The following OPCML variants were observed in gnomAD, a reference collection of about 807,000 sequenced individuals.
The protein encoded by OPCML is opioid-binding protein/cell adhesion molecule.
OPCML carries 13 observed loss-of-function variants against 37.8 expected under a neutral mutation model. The ratio of observed to expected loss-of-function variants is 0.34; its 90% confidence interval spans 0.22 to 0.55. The LOEUF is 0.55. OPCML is among the 20% of genes least tolerant of loss of function. The pLI is 0.91. For missense variants in OPCML, 341 were observed against 435.6 expected (o/e 0.78, Z 1.93); for synonymous variants, 176 against 168.8 (o/e 1.04, Z -0.33).
At chr11:133,274,953 T>C (rs1375703360) in intron 1 of OPCML, among the ~76,000 whole-genome samples, 3 of 152,214 alleles carry the variant, frequency 2.0e-5, no homozygotes, top group Admixed American at 6.5e-5. Context: ...TTGGGACTTT[T>C]AGATTTTGTC....
chr11:132,677,625 T>C (rs1354126743), intron 2 of OPCML, among the ~76,000 whole-genome samples: 1 of 152,124 alleles, frequency 6.6e-6, no homozygotes, highest in Non-Finnish European at 1.5e-5. Context: ...TCTACTGATC[T>C]TTTACAAAGG....
intron 2 of OPCML, among the ~76,000 whole-genome samples, chr11:132,775,376 G>C (rs1946776213): frequency 6.6e-6 from 1 of 152,170 alleles, no homozygotes; most frequent in Admixed American, 6.5e-5. Context: ...TGTTGTGATT[G>C]CAACAGCTTT....
In OPCML at chr11:132,449,060, C is replaced by T. The variant is rs184214150; in HGVS notation, c.506-11701G>A. Among the ~76,000 whole-genome samples the T allele has an allele frequency of 5.3e-5, 8 of 152,268 alleles. No individual in the cohort carries two copies. In the East Asian group the frequency reaches 1.4e-3, roughly 26 times the overall value. ...AACCCAGGAGCTCAGGGTCACTGTC[C>T]CACAAAGGAGCATAAGGTCCCTGCA... On this transcript the variant is annotated intron_variant, in intron 4 of 7. Transcript: ENST00000524381.
intron 1 of OPCML, among the ~76,000 whole-genome samples, chr11:133,228,753 A>C (rs954683595): frequency 1.3e-5 from 2 of 152,264 alleles, no homozygotes; most frequent in Non-Finnish European, 2.9e-5. Context: ...GAGGCTTCGC[A>C]TGAAAAATGA....
At chr11:132,507,001 C>A (rs984731149) in intron 4 of OPCML, among the ~76,000 whole-genome samples, 6 of 151,430 alleles carry the variant, frequency 4.0e-5, no homozygotes, top group Admixed American at 6.6e-5. Context: ...TAATACAAAT[C>A]TTTTTTAAAA....
In OPCML at chr11:132,657,259, G is replaced by A. The variant is rs142071206; in HGVS notation, c.207C>T (p.Tyr69=). ...VAWLNRSTIL[Y]AGNDKWSIDP... is the part of the protein sequence containing the mutation. ...CTATGGACCACTTGTCATTCCCAGC[G>A]TAGAGGATGGTGCTGCGGTTTAGCC... Residue 69 remains tyrosine, a synonymous_variant, in exon 3 of 8, where the codon TAC becomes TAT. Transcript: ENST00000524381. 87 of 1,614,238 alleles carry A rather than the reference G, an allele frequency of 5.4e-5. 1 individual carries two copies. In the Middle Eastern group the frequency reaches 6.6e-4, roughly 12 times the overall value.
intron 3 of OPCML, among the ~76,000 whole-genome samples, chr11:132,599,314 A>AAGG (rs1203700458): frequency 6.7e-6 from 1 of 149,120 alleles, no homozygotes; most frequent in Non-Finnish European, 1.5e-5. Flanking sequence ...AAAGAAGAAG[A>AAGG]AGGAGGAGGA....
chr11:133,454,833 T>C (rs1375829388), intron 1 of OPCML, among the ~76,000 whole-genome samples: 7 of 152,186 alleles, frequency 4.6e-5, no homozygotes, highest in Non-Finnish European at 2.9e-5. Flanking sequence ...ATGTATCACT[T>C]ATCAACATTT....
chr11:132,440,835 G>T (rs936146778), intron 4 of OPCML, among the ~76,000 whole-genome samples: 1 of 152,302 alleles, frequency 6.6e-6, no homozygotes, highest in East Asian at 1.9e-4. Flanking sequence ...AAAGCAGAAT[G>T]AATCTAGGTT....
chr11:132,514,976 G>A (rs1421897711), intron 4 of OPCML, among the ~76,000 whole-genome samples: 4 of 152,150 alleles, frequency 2.6e-5, no homozygotes, highest in Non-Finnish European at 5.9e-5. Flanking sequence ...GTTGTGCAGG[G>A]ACAAATAAGC....
At chr11:133,276,252 A>G (rs1941990416) in intron 1 of OPCML, among the ~76,000 whole-genome samples, 1 of 152,214 alleles carries the variant, frequency 6.6e-6, no homozygotes, top group Non-Finnish European at 1.5e-5. Flanking sequence ...AAGCATATTT[A>G]CAGGTAGAAG....
chr11:133,115,399 G>A (rs959358124), intron 1 of OPCML, among the ~76,000 whole-genome samples: 3 of 152,180 alleles, frequency 2.0e-5, no homozygotes, highest in Admixed American at 6.5e-5. Context: ...GAGAGTTTCC[G>A]AGGAACCGAT....
chr11:132,547,772 T>C (rs907689273), intron 3 of OPCML, among the ~76,000 whole-genome samples: 9 of 152,174 alleles, frequency 5.9e-5, no homozygotes, highest in Middle Eastern at 3.2e-3. Context: ...ATCAAGAATG[T>C]TGTCTGCCAC....
chr11:133,249,519 A>G (rs1941057956), intron 1 of OPCML, among the ~76,000 whole-genome samples: 1 of 152,208 alleles, frequency 6.6e-6, no homozygotes, highest in Admixed American at 6.5e-5. Context: ...CATATCAAAT[A>G]GCTACTGGCC....
In OPCML at chr11:132,543,129, T is replaced by A. The variant is rs945841400; in HGVS notation, c.380-13943A>T. 3.9e-5 allele frequency among the ~76,000 whole-genome samples: 6 copies of A among 152,156 alleles called. 1 individual carries two copies. The highest frequency in any genetic ancestry group is 3.9e-4 in the Admixed American group (6 of 15,278). ...GTAATTTTATTAAAATAAGCAGTAT[T>A]TGGTGGCATGCAGATGATAGAGCTA... On this transcript the variant is annotated intron_variant, in intron 3 of 7. Coordinates refer to ENST00000524381, the MANE Select transcript of OPCML (RefSeq NM_001012393.5).
At chr11:133,039,517 G>A (rs925802635) in intron 1 of OPCML, among the ~76,000 whole-genome samples, 1 of 152,228 alleles carries the variant, frequency 6.6e-6, no homozygotes, top group Non-Finnish European at 1.5e-5. Flanking sequence ...AGAGTGGAGT[G>A]TATACCCATT....
At position 133,458,453 on chromosome 11, in the gene OPCML, T is replaced by C. The variant is rs578256627; in HGVS notation, c.61+73811A>G. On this transcript the variant is annotated intron_variant, in intron 1 of 7. Transcript: ENST00000524381. ...ACATATATACACGTGTGTGTATATA[T>C]ATACACATATATACACGTGTGTGTA... 2.1e-4 allele frequency among the ~76,000 whole-genome samples: 26 copies of C among 126,300 alleles called. 1 individual carries two copies. The highest frequency in any genetic ancestry group is 4.6e-3 in the Middle Eastern group (1 of 218). The allele number at this position is 126,300 out of a possible 152,430, so 82.9% of individuals were successfully genotyped here. A position where few individuals can be genotyped will look rare whatever the true frequency, so the allele number is the denominator to read the frequency against.
intron 2 of OPCML, among the ~76,000 whole-genome samples, chr11:132,781,937 C>CATATATAT (rs34043092): frequency 1.7e-4 from 17 of 99,420 alleles, no homozygotes; most frequent in African/African-American, 4.2e-4. Context: ...TATATATATA[C>CATATATAT]ATATATATAT....
intron 2 of OPCML, among the ~76,000 whole-genome samples, chr11:132,854,375 T>A (rs914636725): frequency 6.6e-6 from 1 of 152,174 alleles, no homozygotes; most frequent in Non-Finnish European, 1.5e-5. Flanking sequence ...CTTTCATTGC[T>A]TTAGCATAAT....
Sources: allele counts gnomAD v4.1 joint callset (sites outside exome capture counted in the v4.1 genomes callset), GRCh38; gene constraint gnomAD v4.1.1; transcripts MANE v1.5; gene names NCBI Gene and HGNC (gene_info 2026-07-23, HGNC 2026-07-21).